PCDHGA4: variants seen among roughly 807,000 people sequenced by gnomAD.
The protein encoded by PCDHGA4 is protocadherin gamma subfamily A, 4, also known as protocadherin gamma-A4.
PCDHGA4 carries 38 observed loss-of-function variants against 54.6 expected under a neutral mutation model. That is an observed-to-expected ratio of 0.70 (90% confidence interval 0.54 to 0.91). The LOEUF is 0.91. Ranked by LOEUF, PCDHGA4 falls within the 40% of genes least tolerant of loss-of-function variation. The pLI is 0.00. For synonymous variants in PCDHGA4, 511 were observed against 512.9 expected, an observed-to-expected ratio of 1.00 and a Z score of 0.05; for missense variants, 1,298 against 1,220.9, an observed-to-expected ratio of 1.06 and a Z score of -0.94.
chr5:141,393,972 C>T, intron 1 of PCDHGA4: 1 of 1,613,790 alleles, frequency 6.2e-7, no homozygotes, highest in Non-Finnish European at 8.5e-7. Flanking sequence ...CTGTTACACA[C>T]GTGATAATTT....
chr5:141,394,491 C>G, intron 1 of PCDHGA4: 1 of 1,614,234 alleles, frequency 6.2e-7, no homozygotes, highest in East Asian at 2.2e-5. Flanking sequence ...TGACAACGCG[C>G]CCGAGATCCT....
chr5:141,466,090 C>A (rs983505253), intron 1 of PCDHGA4, among the ~76,000 whole-genome samples: 2 of 152,068 alleles, frequency 1.3e-5, no homozygotes, highest in African/African-American at 4.8e-5. Context: ...CCACTGCACT[C>A]CAGCCTGGGC....
At chr5:141,366,700 T>C in intron 1 of PCDHGA4, 1 of 1,614,248 alleles carries the variant, frequency 6.2e-7, no homozygotes, top group Non-Finnish European at 8.5e-7. Context: ...AAAGCGAGCC[T>C]CTTCTGATGT....
rs1561964279 is a variant in PCDHGA4 at position 141,456,201 on chromosome 5, A to G, written c.2515-38606A>G. 2.0e-5 allele frequency among the ~76,000 whole-genome samples: 3 copies of G among 152,228 alleles called. No homozygotes were observed. The South Asian group carries it at 6.2e-4, about 32-fold the overall frequency. On this transcript the variant is annotated intron_variant, in intron 1 of 3. Coordinates refer to ENST00000571252, the MANE Select transcript of PCDHGA4 (RefSeq NM_018917.4). ...ATAATTTCTTAATAACTCCTACCAC[A>G]TTCCTCCCTGTGGCGATATCAAACT...
rs757133043 is a variant in PCDHGA4 at position 141,362,275 on chromosome 5, C to T, written c.2514+4654C>T. 40 of 1,613,924 alleles carry T rather than the reference C, an allele frequency of 2.5e-5. No homozygotes were observed. The highest frequency in any genetic ancestry group is 2.4e-5 in the Non-Finnish European group (28 of 1,179,912). ...CGCGGTGATTCTGGCAATCTCCCTGCGCCTGCGACTCTCTTCCAGGTCAGA... is the reference window on the plus strand; with the variant it reads ...CGCGGTGATTCTGGCAATCTCCCTGTGCCTGCGACTCTCTTCCAGGTCAGA... On this transcript the variant is annotated intron_variant, in intron 1 of 3. Transcript: ENST00000571252.
intron 1 of PCDHGA4, chr5:141,370,194 T>C: frequency 3.8e-6 from 2 of 525,176 alleles, no homozygotes; most frequent in East Asian, 3.0e-5. Flanking sequence ...TGGCTAGTGC[T>C]GTGCAAAATA....
intron 1 of PCDHGA4, chr5:141,366,681 G>T (rs1190460082): frequency 1.2e-6 from 2 of 1,614,160 alleles, no homozygotes; most frequent in Non-Finnish European, 1.7e-6. Context: ...AGTGAAGAGA[G>T]CTGTGAGAAA....
At chr5:141,372,139 C>A (rs2149999954) in intron 1 of PCDHGA4, 1 of 1,613,756 alleles carries the variant, frequency 6.2e-7, no homozygotes, top group African/African-American at 1.3e-5. Flanking sequence ...CCGCGCTCTG[C>A]AGAGCCTGGC....
intron 1 of PCDHGA4, chr5:141,417,592 TG>T: frequency 2.1e-6 from 1 of 485,078 alleles, no homozygotes; most frequent in Non-Finnish European, 3.5e-6. Context: ...ACAGAGCCTC[TG>T]GGCGCCGCCG....
At chr5:141,409,520 T>TTG (rs767613304) in intron 1 of PCDHGA4, 2 of 1,613,966 alleles carry the variant, frequency 1.2e-6, no homozygotes, top group East Asian at 4.5e-5. Flanking sequence ...AAGCATCACC[T>TTG]TGTATGTCGC....
In PCDHGA4 at chr5:141,448,136, A is replaced by G. The variant is rs2098567363; in HGVS notation, c.2515-46671A>G. Among the ~76,000 whole-genome samples, 5 of 152,036 alleles carry G rather than the reference A, an allele frequency of 3.3e-5. No individual in the cohort carries two copies. The South Asian group carries it at 1.0e-3, about 32-fold the overall frequency. On this transcript the variant is annotated intron_variant, in intron 1 of 3. Transcript: ENST00000571252. ...AAAATTAGCCTCCCCCACCCTCACT[A>G]TACCTCAGACTCACCCCTGAAAGAT...
chr5:141,375,447 C>T, intron 1 of PCDHGA4: 1 of 1,614,018 alleles, frequency 6.2e-7, no homozygotes, highest in Non-Finnish European at 8.5e-7. Flanking sequence ...TTCCCCCATT[C>T]ATCCTACTCA....
Position 141,423,275 on chromosome 5 carries a change from C to T in PCDHGA4, c.2514+65654C>T. 1.2e-6 allele frequency: 2 copies of T among 1,614,012 alleles called. No homozygotes were observed. The highest frequency in any genetic ancestry group is 1.7e-6 in the Non-Finnish European group (2 of 1,179,970). ...GACCTCGGCAGCCTCGAGTCTCTGGCTAACTCTGAAACCTCAGACCTCTCG... is the reference window on the plus strand; with the variant it reads ...GACCTCGGCAGCCTCGAGTCTCTGGTTAACTCTGAAACCTCAGACCTCTCG... On this transcript the variant is annotated intron_variant, in intron 1 of 3. Transcript: ENST00000571252.
chr5:141,443,733 C>T (rs7723254), intron 1 of PCDHGA4, among the ~76,000 whole-genome samples: 16,856 of 152,062 alleles, frequency 0.11, 1,109 homozygotes, highest in African/African-American at 0.17. Context: ...TCATACATTT[C>T]CCTATCAGTG....
chr5:141,373,338 G>T (rs1251212812), intron 1 of PCDHGA4, among the ~76,000 whole-genome samples: 1 of 152,166 alleles, frequency 6.6e-6, no homozygotes, highest in Non-Finnish European at 1.5e-5. Context: ...ATCTAAAATG[G>T]CAACTCTTGT....
intron 2 of PCDHGA4, among the ~76,000 whole-genome samples, chr5:141,501,728 C>A (rs1284130771): frequency 1.3e-5 from 2 of 152,134 alleles, no homozygotes; most frequent in East Asian, 1.9e-4. Flanking sequence ...ATATATTACC[C>A]AGTCAGCTTA....
In PCDHGA4 at chr5:141,428,010, G is replaced by C. The variant is rs544491298; in HGVS notation, c.2515-66797G>C. The C allele has an allele frequency of 1.2e-4, 192 of 1,603,004 alleles. 6 individuals are homozygous for C. In the South Asian group the frequency reaches 2.0e-3, roughly 17 times the overall value. ...CGATGGCTCCGCACTCTTCGATATA[G>C]TGCCACGCGCCGCAGAGTCCGGCTA... On this transcript the variant is annotated intron_variant, in intron 1 of 3. Transcript: ENST00000571252.
At chr5:141,506,910 G>C (rs1165112258) in intron 3 of PCDHGA4, among the ~76,000 whole-genome samples, 1 of 152,082 alleles carries the variant, frequency 6.6e-6, no homozygotes, top group Admixed American at 6.5e-5. Context: ...ATCACACCTG[G>C]GCACATACTA....
chr5:141,446,988 C>T (rs548721486), intron 1 of PCDHGA4, among the ~76,000 whole-genome samples: 1 of 152,154 alleles, frequency 6.6e-6, no homozygotes, highest in Non-Finnish European at 1.5e-5. Flanking sequence ...TCATACTCCA[C>T]TCTTCAGACT....
Sources: gnomAD v4.1 joint callset for allele counts (sites outside exome capture counted in the v4.1 genomes callset) on GRCh38, gnomAD v4.1.1 for gene constraint, MANE v1.5 for transcripts, NCBI Gene and HGNC (gene_info 2026-07-23, HGNC 2026-07-21) for gene names.